The following SND1 variants were observed in gnomAD, a reference collection of about 807,000 sequenced individuals.
The protein encoded by SND1 is staphylococcal nuclease and tudor domain containing 1, also known as staphylococcal nuclease domain-containing protein 1.
Under a neutral mutation model 121.7 loss-of-function variants are expected in SND1, and 38 were observed. That is an observed-to-expected ratio of 0.31 (90% CI 0.24 to 0.41). SND1 has a LOEUF of 0.41. SND1 is among the 10% of genes least tolerant of loss of function. The probability of loss-of-function intolerance (pLI) is 1.00; values close to 1 mark genes in which losing one functional copy is unlikely to be tolerated. For missense variants in SND1, 868 were observed against 1,184.6 expected, an observed-to-expected ratio of 0.73 and a Z score of 3.92; for synonymous variants, 401 against 447.4, an observed-to-expected ratio of 0.90 and a Z score of 1.31.
chr7:127,921,495 A>G (rs1261948297), intron 14 of SND1, among the ~76,000 whole-genome samples: 1 of 152,212 alleles, frequency 6.6e-6, no homozygotes, highest in African/African-American at 2.4e-5. Flanking sequence ...TAGTTAGGGG[A>G]AAAGTTTTCT....
chr7:127,921,641 A>G (rs1409883730), intron 14 of SND1, among the ~76,000 whole-genome samples: 3 of 152,194 alleles, frequency 2.0e-5, no homozygotes, highest in East Asian at 1.9e-4. Flanking sequence ...AGTTTTGGCA[A>G]ATGTGCATTT....
chr7:128,068,264 C>A (rs575917023), intron 16 of SND1, among the ~76,000 whole-genome samples: 1 of 145,312 alleles, frequency 6.9e-6, no homozygotes, highest in African/African-American at 2.5e-5. Flanking sequence ...CCTCCCCCCA[C>A]CCCAAACCCT....
chr7:127,891,763 T>G (rs1028993536), intron 13 of SND1, among the ~76,000 whole-genome samples: 3 of 152,138 alleles, frequency 2.0e-5, no homozygotes, highest in Non-Finnish European at 4.4e-5. Context: ...AACTATCACT[T>G]AACTGTCTTT....
intron 1 of SND1, among the ~76,000 whole-genome samples, chr7:127,657,254 A>C (rs372402780): frequency 6.6e-6 from 1 of 152,230 alleles, no homozygotes; most frequent in Non-Finnish European, 1.5e-5. Flanking sequence ...AAAGAAGTTA[A>C]CAAGAAATAA....
chr7:127,835,825 C>T (rs938002129), intron 11 of SND1, among the ~76,000 whole-genome samples: 4 of 152,072 alleles, frequency 2.6e-5, no homozygotes, highest in African/African-American at 4.8e-5. Flanking sequence ...AAAATATTGT[C>T]ATTTGTCAAA....
chr7:128,074,580 G>T lies in SND1; in HGVS notation c.1858G>T (p.Val620Phe). ...WLHIDGANLSVLLVEHALSKV... is the reference protein window; with the variant it reads ...WLHIDGANLSFLLVEHALSKV... ...GCACATCGACGGTGCCAACCTGTCC[G>T]TCCTGCTGGTGGAGCACGCGCTCTC... Residue 620 changes from valine (V) to phenylalanine (F), a missense_variant, in exon 17 of 24, where the codon GTC (valine) becomes TTC (phenylalanine). Physicochemically the swap from Val to Phe is conservative, Grantham distance 50. Around this residue, in one of 2 missense-constraint regions of SND1, gnomAD observed 743 missense variants for 1,071.3 expected, o/e 0.69. Coordinates refer to ENST00000354725, the MANE Select transcript of SND1 (RefSeq NM_014390.4). 4 of 1,613,742 alleles carry T rather than the reference G, an allele frequency of 2.5e-6. No homozygotes were observed. The highest frequency in any genetic ancestry group is 3.4e-6 in the Non-Finnish European group (4 of 1,179,974).
At chr7:127,948,924 G>T (rs933252000) in intron 15 of SND1, among the ~76,000 whole-genome samples, 1 of 152,160 alleles carries the variant, frequency 6.6e-6, no homozygotes, top group Non-Finnish European at 1.5e-5. Context: ...TAAGGCTACC[G>T]ATTTAAACAC....
At chr7:128,084,684 C>A (rs1316499499) in intron 18 of SND1, 40 bp from the exon 19 acceptor site, 2 of 1,576,656 alleles carry the variant, frequency 1.3e-6, no homozygotes, top group East Asian at 2.3e-5. Flanking sequence ...CGTCGAGGAA[C>A]CCAGCACCCA....
intron 12 of SND1, chr7:127,858,297 G>A: frequency 1.1e-6 from 1 of 949,846 alleles, no homozygotes; most frequent in Non-Finnish European, 1.6e-6. Flanking sequence ...GGGGAACTGG[G>A]TCACCCAGGC....
At chr7:128,090,197 A>G (rs1562896050) in intron 22 of SND1, among the ~76,000 whole-genome samples, 1 of 152,116 alleles carries the variant, frequency 6.6e-6, no homozygotes, top group African/African-American at 2.4e-5. Context: ...TTCTGAGAGG[A>G]GAAGCCAGCC....
intron 9 of SND1, among the ~76,000 whole-genome samples, chr7:127,711,577 CTTTG>C (rs1238459642): frequency 1.3e-5 from 2 of 152,036 alleles, no homozygotes; most frequent in East Asian, 3.9e-4. Flanking sequence ...TAGCGATGCA[CTTTG>C]TTTATCTATA....
intron 14 of SND1, among the ~76,000 whole-genome samples, chr7:127,923,984 CA>C (rs1307231267): frequency 1.1e-3 from 153 of 136,398 alleles, no homozygotes; most frequent in African/African-American, 3.5e-3. Context: ...CTGATCTCCA[CA>C]CTTTTTTTTT....
At chr7:127,839,279 A>C (rs1683665266) in intron 11 of SND1, among the ~76,000 whole-genome samples, 1 of 152,100 alleles carries the variant, frequency 6.6e-6, no homozygotes. Context: ...TTGAGAGACA[A>C]GGTGTTTATT....
At chr7:128,048,265 CTT>C (rs572752218) in intron 16 of SND1, among the ~76,000 whole-genome samples, 15 of 138,638 alleles carry the variant, frequency 1.1e-4, no homozygotes, top group Admixed American at 1.4e-4. Flanking sequence ...GATTTTTTTT[CTT>C]TTTTTTTTTT....
In SND1 at chr7:128,028,644, CTATTGCATTT is replaced by C. The variant is rs762320169; in HGVS notation, c.1779+37592_1779+37601del. 1.6e-5 allele frequency: 26 copies of C among 1,580,010 alleles called. No individual in the cohort carries two copies. The African/African-American group carries it at 3.0e-4, about 18-fold the overall frequency. ...AAAAGTTGCTGTCTTTGTGTGCATT[CTATTGCATTT>C]TATAAGTTTTTTGGGGGAGGGGAGT... On this transcript the variant is annotated intron_variant, in intron 16 of 23. Transcript: ENST00000354725.
intron 1 of SND1, among the ~76,000 whole-genome samples, chr7:127,669,534 G>T (rs1795478407): frequency 6.6e-6 from 1 of 152,154 alleles, no homozygotes; most frequent in Non-Finnish European, 1.5e-5. Context: ...CCTCCAAAGG[G>T]ATGCTTGGTG....
intron 12 of SND1, among the ~76,000 whole-genome samples, chr7:127,868,028 A>G (rs1799511918): frequency 6.6e-6 from 1 of 152,008 alleles, no homozygotes; most frequent in Non-Finnish European, 1.5e-5. Flanking sequence ...TGCTGTAGGT[A>G]CTCCGTCTAA....
At chr7:127,720,030 G>T (rs1280925776) in intron 9 of SND1, among the ~76,000 whole-genome samples, 1 of 152,148 alleles carries the variant, frequency 6.6e-6, no homozygotes, top group Non-Finnish European at 1.5e-5. Flanking sequence ...GTGTGTGGCT[G>T]GTTGGTTCTT....
intron 20 of SND1, chr7:128,086,489 G>T: frequency 3.9e-6 from 1 of 258,520 alleles, no homozygotes; most frequent in South Asian, 4.1e-5. Context: ...AGACAAGGGT[G>T]AACCCAGATG....
Sources: allele counts gnomAD v4.1 joint callset (sites outside exome capture counted in the v4.1 genomes callset), GRCh38; gene constraint gnomAD v4.1.1; regional missense constraint gnomAD v4.1.1; transcripts MANE v1.5; gene names NCBI Gene and HGNC (gene_info 2026-07-23, HGNC 2026-07-21).